ARL15: variants seen among roughly 807,000 people sequenced by gnomAD.
ARL15 encodes the protein ARF like GTPase 15.
A neutral mutation model predicts 25.2 loss-of-function variants in ARL15; 19 were observed. The observed-to-expected ratio is 0.75, with a 90% CI of 0.53 to 1.10. The LOEUF (loss-of-function observed/expected upper bound fraction) is 1.10. ARL15 is among the 50% of genes least tolerant of loss of function. The pLI is 0.00. For synonymous variants in ARL15, 94 were observed against 86.8 expected (o/e 1.08, Z -0.46); for missense variants, 220 against 246.0 (o/e 0.89, Z 0.71).
chr5:54,079,371 A>G (rs1361415070), intron 4 of ARL15, among the ~76,000 whole-genome samples: 1 of 152,250 alleles, frequency 6.6e-6, no homozygotes, highest in African/African-American at 2.4e-5. Flanking sequence ...CTTAACAGAA[A>G]CAAGTAACAA....
intron 1 of ARL15, among the ~76,000 whole-genome samples, chr5:54,198,427 T>C: frequency 6.6e-6 from 1 of 151,868 alleles, no homozygotes; most frequent in East Asian, 1.9e-4. Flanking sequence ...CTCCTTAAGC[T>C]GATAAGCAAC....
chr5:54,217,530 T>C (rs1309869811), intron 1 of ARL15, among the ~76,000 whole-genome samples: 1 of 152,124 alleles, frequency 6.6e-6, no homozygotes, highest in Non-Finnish European at 1.5e-5. Flanking sequence ...ACTTTCCAAA[T>C]AAAAACTGTA....
intron 1 of ARL15, among the ~76,000 whole-genome samples, chr5:54,208,406 A>G (rs1325557608): frequency 2.0e-5 from 3 of 151,992 alleles, no homozygotes; most frequent in African/African-American, 7.3e-5. Context: ...GCACATGCGC[A>G]CACACACACG....
intron 4 of ARL15, among the ~76,000 whole-genome samples, chr5:53,898,455 G>C (rs1224327440): frequency 6.6e-6 from 1 of 151,848 alleles, no homozygotes; most frequent in Admixed American, 6.6e-5. Context: ...TGATGGGAAG[G>C]GTAATTCAAT....
At chr5:54,188,312 A>G (rs1376971028) in intron 1 of ARL15, among the ~76,000 whole-genome samples, 1 of 152,172 alleles carries the variant, frequency 6.6e-6, no homozygotes, top group East Asian at 1.9e-4. Flanking sequence ...GATTAGGTAA[A>G]GGCATGTATT....
intron 3 of ARL15, among the ~76,000 whole-genome samples, chr5:54,139,224 C>T (rs1217033294): frequency 6.6e-6 from 1 of 152,112 alleles, no homozygotes; most frequent in Non-Finnish European, 1.5e-5. Flanking sequence ...ACATGTTTAT[C>T]ACAGCACAAT....
chr5:54,028,228 TTC>T (rs770090534), intron 4 of ARL15, among the ~76,000 whole-genome samples: 1 of 152,172 alleles, frequency 6.6e-6, no homozygotes, highest in Non-Finnish European at 1.5e-5. Flanking sequence ...GTGACAATAT[TTC>T]TGTTTTGGGG....
intron 1 of ARL15, among the ~76,000 whole-genome samples, chr5:54,217,194 GCTTTT>G (rs1328464080): frequency 1.4e-4 from 14 of 103,092 alleles, no homozygotes; most frequent in East Asian, 1.2e-3. Context: ...GTAAGACAAT[GCTTTT>G]CTTTTTTTTT....
intron 4 of ARL15, among the ~76,000 whole-genome samples, chr5:54,112,153 T>TA (rs1752760552): frequency 6.6e-6 from 1 of 152,186 alleles, no homozygotes; most frequent in African/African-American, 2.4e-5. Flanking sequence ...AAAATTTGAA[T>TA]AAAAACTCTA....
intron 4 of ARL15, among the ~76,000 whole-genome samples, chr5:53,911,340 T>G (rs1745457376): frequency 6.6e-6 from 1 of 152,186 alleles, no homozygotes; most frequent in Non-Finnish European, 1.5e-5. Context: ...ACATCATTTT[T>G]TCAGAATCCT....
At position 54,310,553 on chromosome 5, in the gene ARL15, G is replaced by C; in HGVS notation, c.-74C>G. On this transcript the variant is annotated 5_prime_UTR_variant, in exon 1 of 5. Coordinates refer to ENST00000504924, the MANE Select transcript of ARL15 (RefSeq NM_019087.3). ...CAGCGTCTCTGGCTGCGAGCGAGCAGCTCCTGAAAAAGCCAGCAACAGCGA... is the reference window on the plus strand; with the variant it reads ...CAGCGTCTCTGGCTGCGAGCGAGCACCTCCTGAAAAAGCCAGCAACAGCGA... The C allele has an allele frequency of 4.6e-6, 7 of 1,511,718 alleles. No homozygotes were observed. The Admixed American group carries it at 8.5e-5, about 18-fold the overall frequency. The allele number at this position is 1,511,718 out of a possible 1,614,324, so 93.6% of individuals were successfully genotyped here. A position where few individuals can be genotyped will look rare whatever the true frequency, so the allele number is the denominator to read the frequency against.
At chr5:54,268,392 C>A (rs1757684854) in intron 1 of ARL15, among the ~76,000 whole-genome samples, 1 of 152,186 alleles carries the variant, frequency 6.6e-6, no homozygotes, top group Non-Finnish European at 1.5e-5. Context: ...AAGTTTTCAA[C>A]TTCTTTGCCT....
intron 4 of ARL15, chr5:54,075,601 C>T (rs1006619723): frequency 6.6e-6 from 1 of 152,514 alleles, no homozygotes; most frequent in Non-Finnish European, 1.5e-5. Context: ...ATTCTCATGC[C>T]TCAGCCTTCT....
At chr5:54,013,561 T>C (rs184236619) in intron 4 of ARL15, among the ~76,000 whole-genome samples, 5 of 152,238 alleles carry the variant, frequency 3.3e-5, no homozygotes, top group African/African-American at 7.2e-5. Context: ...TCTGGTAAGA[T>C]GCAGGCATAG....
At chr5:53,931,449 T>C (rs1211081736) in intron 4 of ARL15, among the ~76,000 whole-genome samples, 1 of 152,250 alleles carries the variant, frequency 6.6e-6, no homozygotes, top group Non-Finnish European at 1.5e-5. Context: ...GTGTGCCTGA[T>C]GCAGTCCCTT....
intron 4 of ARL15, among the ~76,000 whole-genome samples, chr5:53,890,198 T>C (rs917940766): frequency 2.6e-5 from 4 of 152,200 alleles, no homozygotes; most frequent in Admixed American, 2.0e-4. Context: ...ACAATTACAG[T>C]CACATTTGAA....
At chr5:54,294,101 T>C (rs1758409038) in intron 1 of ARL15, among the ~76,000 whole-genome samples, 1 of 152,104 alleles carries the variant, frequency 6.6e-6, no homozygotes, top group Non-Finnish European at 1.5e-5. Context: ...CTTTAAAGGT[T>C]CTCCCCAAGT....
chr5:54,303,824 C>T lies in ARL15; in HGVS notation c.48+6608G>A, dbSNP rs529880788. ...CTTGGGGCAGGTAGGAATGTGCCCC[C>T]AAAAGTGACACTAGGGGGCTGAGTA... On this transcript the variant is annotated intron_variant, in intron 1 of 4. Transcript: ENST00000504924. 5.3e-4 allele frequency among the ~76,000 whole-genome samples: 80 copies of T among 150,816 alleles called. No individual in the cohort carries two copies. The East Asian group carries it at 0.011, about 21-fold the overall frequency.
intron 1 of ARL15, among the ~76,000 whole-genome samples, chr5:54,274,537 A>G (rs1006676384): frequency 6.6e-6 from 1 of 152,150 alleles, no homozygotes; most frequent in Non-Finnish European, 1.5e-5. Context: ...CCCTGCCAGA[A>G]AGGTGGTATG....
Sources: gnomAD v4.1 joint callset for allele counts (sites outside exome capture counted in the v4.1 genomes callset) on GRCh38, gnomAD v4.1.1 for gene constraint, MANE v1.5 for transcripts, NCBI Gene and HGNC (gene_info 2026-07-23, HGNC 2026-07-21) for gene names.